The following RNF10 variants were observed in gnomAD, a reference collection of about 807,000 sequenced individuals.
RNF10 encodes E3 ubiquitin-protein ligase RNF10.
A neutral mutation model predicts 91.4 loss-of-function variants in RNF10; 38 were observed. That is an observed-to-expected ratio of 0.42 (90% CI 0.32 to 0.54). The LOEUF is 0.54. Among genes scored for constraint, RNF10 ranks in the 20% least tolerant of loss-of-function variants. The pLI is 0.16. For synonymous variants in RNF10, 364 were observed against 366.3 expected, an observed-to-expected ratio of 0.99 and a Z score of 0.07; for missense variants, 945 against 1,012.0, an observed-to-expected ratio of 0.93 and a Z score of 0.90.
intron 1 of RNF10, 52 bp downstream of exon 1, chr12:120,535,020 G>T: frequency 6.6e-7 from 1 of 1,518,058 alleles, no homozygotes; most frequent in Non-Finnish European, 8.8e-7. Flanking sequence ...TGCTGCTGGG[G>T]AGAGTCGTTG....
chr12:120,573,060 T>C (rs75731481), intron 14 of RNF10, among the ~76,000 whole-genome samples: 3,121 of 152,286 alleles, frequency 0.02, 105 homozygotes, highest in African/African-American at 0.071. Flanking sequence ...ATATTTGCTT[T>C]CTCTTTTTTC....
chr12:120,557,487 C>A, intron 5 of RNF10, 21 bp downstream of exon 5: 1 of 1,613,476 alleles, frequency 6.2e-7, no homozygotes, highest in South Asian at 1.1e-5. Context: ...GACATTTACT[C>A]AGTTAGATCC....
intron 14 of RNF10, among the ~76,000 whole-genome samples, chr12:120,573,365 C>T (rs758464691): frequency 1.3e-5 from 2 of 151,558 alleles, no homozygotes; most frequent in Non-Finnish European, 2.9e-5. Flanking sequence ...TTTTTTTTCC[C>T]TTCCATGGCC....
intron 6 of RNF10, among the ~76,000 whole-genome samples, chr12:120,559,162 G>C (rs1278755946): frequency 6.8e-6 from 1 of 146,552 alleles, no homozygotes; most frequent in East Asian, 2.0e-4. Context: ...TTGATAGGCT[G>C]GTCTTGAACT....
chr12:120,557,165 G>T, intron 4 of RNF10, 117 bp from the exon 5 acceptor site: 1 of 816,450 alleles, frequency 1.2e-6, no homozygotes, highest in East Asian at 2.4e-5. Flanking sequence ...TTGAGTATAA[G>T]GATGTACGGG....
At chr12:120,573,201 CAGT>C (rs1208080898) in intron 14 of RNF10, among the ~76,000 whole-genome samples, 2 of 152,158 alleles carry the variant, frequency 1.3e-5, no homozygotes, top group African/African-American at 4.8e-5. Flanking sequence ...TCCACTGCCA[CAGT>C]AATATCTAAT....
intron 14 of RNF10, among the ~76,000 whole-genome samples, chr12:120,573,753 G>T (rs957878329): frequency 6.6e-6 from 1 of 152,208 alleles, no homozygotes; most frequent in African/African-American, 2.4e-5. Context: ...GAGGTGCCAG[G>T]CCGTTTTAAA....
rs1035016707 is a variant in RNF10 at position 120,575,655 on chromosome 12, G to A, written c.2167G>A (p.Ala723Thr). ...AQMLRVGKAK[A>T]DVWPKTAPKK... is the part of the protein sequence containing the mutation. ...GATGCTGAGGGTTGGAAAAGCAAAA[G>A]CAGATGTGTGGCCCAAAACTGCTCC... The change falls in exon 15 of 17, where the codon GCA (alanine) becomes ACA (threonine). Residue 723 changes from alanine to threonine, a missense_variant. By Grantham distance (58) the Ala-to-Thr change is moderately conservative. Transcript: ENST00000325954. 5.6e-6 allele frequency: 9 copies of A among 1,614,220 alleles called. No individual in the cohort carries two copies. Among genetic ancestry groups the A allele is most frequent in the Non-Finnish European group, 7.6e-6 (9 of 1,180,044 alleles).
In RNF10 at chr12:120,566,654, C is replaced by T. The variant is rs755719256; in HGVS notation, c.1886-171C>T. ...GCACGTGCCTGTGGTCCCGGCTACT[C>T]GGGAGGCTGAGGTGGGAGGATCGCT... On this transcript the variant is annotated intron_variant, in intron 12 of 16. Coordinates refer to ENST00000325954, the MANE Select transcript of RNF10 (RefSeq NM_014868.5). 6.0e-5 allele frequency among the ~76,000 whole-genome samples: 9 copies of T among 151,182 alleles called. 1 individual carries two copies. In the South Asian group the frequency reaches 8.3e-4, roughly 14 times the overall value.
At chr12:120,563,764 T>C in intron 9 of RNF10, 46 bp from the exon 10 acceptor site, 2 of 1,608,430 alleles carry the variant, frequency 1.2e-6, no homozygotes, top group Non-Finnish European at 1.7e-6. Flanking sequence ...GGGAGCCTCC[T>C]GGGGACTGGC....
chr12:120,560,467 C>T (rs1285598994), intron 6 of RNF10, among the ~76,000 whole-genome samples: 1 of 152,106 alleles, frequency 6.6e-6, no homozygotes, highest in Non-Finnish European at 1.5e-5. Context: ...TTGAGCTTTT[C>T]TGATATTACA....
At position 120,556,530 on chromosome 12, in the gene RNF10, C is replaced by CAA. The variant is rs34889649; in HGVS notation, c.646-726_646-725dup. 8.8e-3 allele frequency among the ~76,000 whole-genome samples: 169 copies of CAA among 19,226 alleles called. 49 individuals carry two copies. The highest frequency in any genetic ancestry group is 0.022 in the East Asian group (12 of 534). The allele number at this position is 19,226 out of a possible 152,430, so 12.6% of individuals were successfully genotyped here. A position where few individuals can be genotyped will look rare whatever the true frequency, so the allele number is the denominator to read the frequency against. ...TGGGTGACAGAGTGAGACTCCGTCT[C>CAA]AAAAAAAAAAAAAAAAAAAAAAAAA... On this transcript the variant is annotated intron_variant, in intron 4 of 16. Coordinates refer to ENST00000325954, the MANE Select transcript of RNF10 (RefSeq NM_014868.5).
intron 1 of RNF10, among the ~76,000 whole-genome samples, chr12:120,541,428 T>A (rs1477637566): frequency 6.9e-6 from 1 of 144,002 alleles, no homozygotes; most frequent in African/African-American, 2.5e-5. Context: ...CTGCATCCCC[T>A]GAGTTTTCCT....
At chr12:120,567,504 C>T (rs1875937010) in intron 13 of RNF10, among the ~76,000 whole-genome samples, 1 of 151,718 alleles carries the variant, frequency 6.6e-6, no homozygotes, top group Non-Finnish European at 1.5e-5. Flanking sequence ...AATTCAAGAC[C>T]AGCCTGACCA....
At chr12:120,542,882 G>A (rs1871781270) in intron 1 of RNF10, among the ~76,000 whole-genome samples, 1 of 152,144 alleles carries the variant, frequency 6.6e-6, no homozygotes, top group South Asian at 2.1e-4. Context: ...GTCACTGTCC[G>A]TAAGCAGGAT....
chr12:120,563,865 G>T lies in RNF10; in HGVS notation c.1587G>T (p.Arg529=). 1 of 1,614,162 alleles carries T rather than the reference G, an allele frequency of 6.2e-7. No homozygotes were observed. The highest frequency in any genetic ancestry group is 8.5e-7 in the Non-Finnish European group (1 of 1,180,014). The change falls in exon 10 of 17, where the codon CGG becomes CGT. Residue 529 remains arginine, a synonymous_variant. Transcript: ENST00000325954. ...CTGTGAATGTGCGCTGCCTCGTGCG[G>T]GAGTACGGCAGCCTGGAGAGGAGCC... ...LHPVNVRCLV[R]EYGSLERSPE... is the part of the protein sequence containing the mutation.
chr12:120,539,295 C>T (rs1257509370), intron 1 of RNF10: 1 of 725,520 alleles, frequency 1.4e-6, no homozygotes, highest in African/African-American at 1.8e-5. Flanking sequence ...TTTGTATAAT[C>T]ACACTTAGCA....
rs757287340 is a variant in RNF10 at position 120,571,214 on chromosome 12, C to G, written c.2065C>G (p.Pro689Ala). 2 of 1,613,736 alleles carry G rather than the reference C, an allele frequency of 1.2e-6. No individual in the cohort carries two copies. The highest frequency in any genetic ancestry group is 2.2e-5 in the South Asian group (2 of 91,072). ...AGACTTTCTGCTGACCCCTCTGTCA[C>G]CCACTGCCAGTCAGGGCAGTCCCTC... The part of the protein sequence containing the change: ...HADFLLTPLS[P>A]TASQGSPSFC... Residue 689 changes from proline to alanine, a missense_variant, in exon 14 of 17, where the codon CCC becomes GCC. By Grantham distance (27) the Pro-to-Ala change is conservative. Transcript: ENST00000325954.
At chr12:120,572,296 G>C (rs1464583819) in intron 14 of RNF10, among the ~76,000 whole-genome samples, 3 of 152,088 alleles carry the variant, frequency 2.0e-5, no homozygotes, top group African/African-American at 7.2e-5. Flanking sequence ...TCAATCTCCT[G>C]ACCTCGTGAT....
Sources: allele counts gnomAD v4.1 joint callset (sites outside exome capture counted in the v4.1 genomes callset), GRCh38; gene constraint gnomAD v4.1.1; transcripts MANE v1.5; gene names NCBI Gene and HGNC (gene_info 2026-07-23, HGNC 2026-07-21).